Variants in FCHO2 observed in about 807,000 individuals in gnomAD.
FCHO2 encodes FCH and mu domain containing endocytic adaptor 2.
Under a neutral mutation model 114.1 loss-of-function variants are expected in FCHO2, and 43 were observed. That is an observed-to-expected ratio of 0.38 (90% CI 0.30 to 0.49). The LOEUF is 0.49. Ranked by LOEUF, FCHO2 falls within the 20% of genes least tolerant of loss-of-function variation. FCHO2 has a pLI of 0.97. For missense variants in FCHO2, 807 were observed against 950.4 expected (o/e 0.85, Z 1.98); for synonymous variants, 293 against 315.2 (o/e 0.93, Z 0.75).
Position 73,034,281 on chromosome 5 carries a change from A to G in FCHO2, c.797-376A>G, listed in dbSNP as rs183703367. 1.1e-3 allele frequency among the ~76,000 whole-genome samples: 163 copies of G among 152,296 alleles called. 1 individual carries two copies. Among genetic ancestry groups the G allele is most frequent in the African/African-American group, 3.9e-3 (161 of 41,558 alleles). On this transcript the variant is annotated intron_variant, in intron 8 of 25. Transcript: ENST00000430046. ...TCTTGGTAGCCCTGTTCTTCCCATGAACACCACCGAGGATTCAGCAACCAC... is the reference window on the plus strand; with the variant it reads ...TCTTGGTAGCCCTGTTCTTCCCATGGACACCACCGAGGATTCAGCAACCAC...
intron 11 of FCHO2, among the ~76,000 whole-genome samples, chr5:73,045,457 A>G (rs1757011132): frequency 6.6e-6 from 1 of 152,186 alleles, no homozygotes; most frequent in Non-Finnish European, 1.5e-5. Flanking sequence ...GCTGAGTAGT[A>G]GTCCCTGTTT....
intron 24 of FCHO2, among the ~76,000 whole-genome samples, chr5:73,084,360 G>A (rs1324759132): frequency 1.3e-5 from 2 of 152,082 alleles, no homozygotes; most frequent in African/African-American, 4.8e-5. Flanking sequence ...CTGCCTCCCA[G>A]GTTCAAGCAA....
chr5:73,047,157 C>G (rs1226983995), intron 11 of FCHO2, among the ~76,000 whole-genome samples: 2 of 152,108 alleles, frequency 1.3e-5, no homozygotes, highest in African/African-American at 4.8e-5. Context: ...CATTCTCTCT[C>G]TGTTTGTGCA....
intron 5 of FCHO2, chr5:72,996,895 A>G: frequency 6.5e-7 from 1 of 1,528,130 alleles, no homozygotes; most frequent in South Asian, 1.2e-5. Flanking sequence ...GGGCCGGCAG[A>G]GCAGGCAGTG....
intron 2 of FCHO2, among the ~76,000 whole-genome samples, chr5:72,974,905 A>G (rs1004571397): frequency 2.6e-5 from 4 of 152,226 alleles, no homozygotes; most frequent in African/African-American, 9.6e-5. Context: ...CCTGCTGGTG[A>G]CAAAATCTCT....
chr5:73,035,179 A>G (rs1368119115), intron 9 of FCHO2, among the ~76,000 whole-genome samples: 1 of 152,082 alleles, frequency 6.6e-6, no homozygotes, highest in African/African-American at 2.4e-5. Flanking sequence ...GCACTTTGGG[A>G]GGCTGAGGCA....
At chr5:72,961,230 TTAATC>T (rs1304667788) in intron 1 of FCHO2, among the ~76,000 whole-genome samples, 2 of 152,152 alleles carry the variant, frequency 1.3e-5, no homozygotes, top group African/African-American at 4.8e-5. Context: ...TTTTGCTTGA[TTAATC>T]TAAACTTAGT....
At chr5:73,046,977 T>G (rs1757090285) in intron 11 of FCHO2, among the ~76,000 whole-genome samples, 1 of 152,212 alleles carries the variant, frequency 6.6e-6, no homozygotes, top group Admixed American at 6.6e-5. Flanking sequence ...AGAAAGTGAT[T>G]AGAAGAACAG....
At chr5:73,069,467 A>G (rs1331199917) in intron 19 of FCHO2, among the ~76,000 whole-genome samples, 1 of 152,034 alleles carries the variant, frequency 6.6e-6, no homozygotes, top group Admixed American at 6.6e-5. Context: ...GATGGGAGAC[A>G]ATGGCAGATC....
At chr5:72,979,025 G>A (rs1005898395) in intron 2 of FCHO2, among the ~76,000 whole-genome samples, 1 of 152,084 alleles carries the variant, frequency 6.6e-6, no homozygotes, top group Non-Finnish European at 1.5e-5. Flanking sequence ...ATTTTATTGA[G>A]GATTTTCGCA....
intron 1 of FCHO2, among the ~76,000 whole-genome samples, chr5:72,962,722 G>A (rs1285816725): frequency 6.6e-6 from 1 of 151,994 alleles, no homozygotes; most frequent in Non-Finnish European, 1.5e-5. Flanking sequence ...GTGAAACCCC[G>A]TCTCTACTAA....
At chr5:73,023,805 C>G (rs1580121751) in intron 8 of FCHO2, among the ~76,000 whole-genome samples, 1 of 151,976 alleles carries the variant, frequency 6.6e-6, no homozygotes. Flanking sequence ...TATAGACTTG[C>G]AGGTGAATGA....
chr5:73,087,566 G>GTGCTT, intron 24 of FCHO2, 23 bp from the exon 25 acceptor site: 2 of 1,611,320 alleles, frequency 1.2e-6, no homozygotes, highest in Non-Finnish European at 1.7e-6. Context: ...CCCTGTGTAA[G>GTGCTT]TGCTTTATTC....
At chr5:73,054,344 T>A (rs1235388917) in intron 14 of FCHO2, among the ~76,000 whole-genome samples, 173 bp downstream of exon 14, 1 of 152,172 alleles carries the variant, frequency 6.6e-6, no homozygotes, top group African/African-American at 2.4e-5. Context: ...ACATGTATTA[T>A]TTTTTGCTGT....
intron 2 of FCHO2, among the ~76,000 whole-genome samples, chr5:72,985,676 C>T (rs1234945333): frequency 1.3e-5 from 2 of 151,750 alleles, no homozygotes; most frequent in Non-Finnish European, 2.9e-5. Context: ...TTTTGAAGAT[C>T]GTTCCATTAT....
intron 2 of FCHO2, among the ~76,000 whole-genome samples, chr5:72,974,771 G>A (rs1050589037): frequency 3.9e-5 from 6 of 152,162 alleles, no homozygotes; most frequent in South Asian, 2.1e-4. Flanking sequence ...GATTTTGCTC[G>A]TTAGTTGATG....
rs188197751 is a variant in FCHO2 at position 72,991,801 on chromosome 5, A to C, written c.495+937A>C. On this transcript the variant is annotated intron_variant, in intron 5 of 25. Coordinates refer to ENST00000430046, the MANE Select transcript of FCHO2 (RefSeq NM_138782.3). Reference sequence around the variant, plus strand: ...TACCAATTGTATGATTATGACTATAAAACAGCTGTGTATTTATATACTTTT... The same window carrying C: ...TACCAATTGTATGATTATGACTATACAACAGCTGTGTATTTATATACTTTT... Among the ~76,000 whole-genome samples, 472 of 152,364 alleles carry C rather than the reference A, an allele frequency of 3.1e-3. 5 individuals carry two copies. The highest frequency in any genetic ancestry group is 0.011 in the African/African-American group (451 of 41,602).
intron 1 of FCHO2, among the ~76,000 whole-genome samples, chr5:72,967,973 G>A (rs1752293189): frequency 6.7e-6 from 1 of 149,066 alleles, no homozygotes; most frequent in Non-Finnish European, 1.5e-5. Context: ...CACCCAGGCT[G>A]GGGCGCAGTG....
At chr5:73,067,812 A>G (rs1742431227) in intron 18 of FCHO2, among the ~76,000 whole-genome samples, 1 of 152,004 alleles carries the variant, frequency 6.6e-6, no homozygotes, top group South Asian at 2.1e-4. Flanking sequence ...ATTTTTTAAG[A>G]AAGCAAAACA....
Sources: gnomAD v4.1 joint callset for allele counts (sites outside exome capture counted in the v4.1 genomes callset) on GRCh38, gnomAD v4.1.1 for gene constraint, MANE v1.5 for transcripts, NCBI Gene and HGNC (gene_info 2026-07-23, HGNC 2026-07-21) for gene names.